Variants in ATP13A3 observed in about 807,000 individuals in gnomAD.
The protein encoded by ATP13A3 is polyamine-transporting ATPase 13A3.
Under a neutral mutation model 158.1 loss-of-function variants are expected in ATP13A3, and 59 were observed. The observed-to-expected ratio is 0.37, with a 90% CI of 0.30 to 0.46. The LOEUF (loss-of-function observed/expected upper bound fraction) is 0.46, where lower values mean the gene tolerates loss of function less well. Among genes scored for constraint, ATP13A3 ranks in the 20% least tolerant of loss-of-function variants. The pLI is 1.00. For synonymous variants in ATP13A3, 491 were observed against 504.3 expected (o/e 0.97, Z 0.35); for missense variants, 1,166 against 1,525.2 (o/e 0.76, Z 3.92).
intron 33 of ATP13A3, among the ~76,000 whole-genome samples, chr3:194,410,937 GGT>G (rs34952393): frequency 0.037 from 4,659 of 126,782 alleles, 137 homozygotes; most frequent in African/African-American, 0.091. Context: ...GGGGTGTTGG[GGT>G]GTGTGTGTGT....
At chr3:194,408,512 G>C (rs1715120422) in intron 33 of ATP13A3, among the ~76,000 whole-genome samples, 1 of 152,286 alleles carries the variant, frequency 6.6e-6, no homozygotes, top group South Asian at 2.1e-4. Flanking sequence ...TCAATTCACT[G>C]TTCCCTACTT....
chr3:194,467,582 TA>T (rs1379302941), intron 2 of ATP13A3, among the ~76,000 whole-genome samples: 1 of 152,184 alleles, frequency 6.6e-6, no homozygotes, highest in Non-Finnish European at 1.5e-5. Context: ...TTGAATATAT[TA>T]TACACCTCAA....
At chr3:194,468,791 A>C (rs1179354003) in intron 2 of ATP13A3, among the ~76,000 whole-genome samples, 1 of 152,248 alleles carries the variant, frequency 6.6e-6, no homozygotes, top group Non-Finnish European at 1.5e-5. Flanking sequence ...AGTTCAGGCA[A>C]AGCAATTTTG....
chr3:194,416,264 T>C lies in ATP13A3; in HGVS notation c.3403-2425A>G, dbSNP rs373090826. Among the ~76,000 whole-genome samples the C allele has an allele frequency of 2.6e-5, 4 of 151,998 alleles. No individual in the cohort carries two copies. In the East Asian group the frequency reaches 5.8e-4, roughly 22 times the overall value. ...CGTGAGGTCAGGAGTTCGATACCAG[T>C]CTGGCCAGATGGTGAAATCCCATCT... On this transcript the variant is annotated intron_variant, in intron 31 of 33. Coordinates refer to ENST00000645319, the MANE Select transcript of ATP13A3 (RefSeq NM_001367549.1).
At chr3:194,440,307 C>A (rs1438114638) in intron 16 of ATP13A3, among the ~76,000 whole-genome samples, 3 of 152,174 alleles carry the variant, frequency 2.0e-5, no homozygotes, top group Non-Finnish European at 4.4e-5. Flanking sequence ...AGGGAGTCCT[C>A]CTCCAGAGAC....
chr3:194,428,374 G>A (rs1716971174), intron 28 of ATP13A3, among the ~76,000 whole-genome samples: 1 of 152,122 alleles, frequency 6.6e-6, no homozygotes, highest in Admixed American at 6.5e-5. Context: ...CTCAACTGGA[G>A]GATTTTGCAC....
chr3:194,426,831 TTTG>T (rs1314920612), intron 29 of ATP13A3, among the ~76,000 whole-genome samples: 1 of 152,012 alleles, frequency 6.6e-6, no homozygotes, highest in Non-Finnish European at 1.5e-5. Flanking sequence ...CCGGCTAATT[TTTG>T]TATTTTTAGT....
intron 31 of ATP13A3, 47 bp from the exon 32 acceptor site, chr3:194,413,886 A>G (rs776151078): frequency 1.1e-5 from 16 of 1,456,064 alleles, no homozygotes; most frequent in Non-Finnish European, 1.5e-5. Flanking sequence ...TATGTAGTCA[A>G]TATTATAGCA....
intron 29 of ATP13A3, among the ~76,000 whole-genome samples, chr3:194,426,701 G>A (rs1303436993): frequency 6.6e-6 from 1 of 152,144 alleles, no homozygotes; most frequent in African/African-American, 2.4e-5. Context: ...CAGCCTGCAT[G>A]CAAACTTTGT....
chr3:194,469,834 C>T (rs1720216482), intron 2 of ATP13A3, among the ~76,000 whole-genome samples: 1 of 152,094 alleles, frequency 6.6e-6, no homozygotes, highest in Non-Finnish European at 1.5e-5. Context: ...AGAAGATAAC[C>T]TTGTCCAGTT....
At chr3:194,468,674 G>A (rs1720144594) in intron 2 of ATP13A3, among the ~76,000 whole-genome samples, 2 of 152,284 alleles carry the variant, frequency 1.3e-5, no homozygotes, top group African/African-American at 2.4e-5. Context: ...ATAATAGTGA[G>A]TGTGGAGAGT....
At chr3:194,429,297 G>C (rs1466803978) in intron 27 of ATP13A3, among the ~76,000 whole-genome samples, 2 of 152,136 alleles carry the variant, frequency 1.3e-5, no homozygotes, top group Admixed American at 1.3e-4. Context: ...ATTCAACGTT[G>C]TAAATTAGTA....
intron 10 of ATP13A3, 152 bp downstream of exon 10, chr3:194,453,554 G>C (rs1718975323): frequency 1.6e-6 from 1 of 613,934 alleles, no homozygotes; most frequent in Admixed American, 3.2e-5. Context: ...AGCTGAGATT[G>C]TGCCTTTGCA....
rs1718565615 is a variant in ATP13A3 at position 194,448,533 on chromosome 3, A to C, written c.1074T>G (p.Thr358=). The C allele has an allele frequency of 1.2e-6, 2 of 1,614,054 alleles. No individual in the cohort carries two copies. Among genetic ancestry groups the C allele is most frequent in the African/African-American group, 2.7e-5 (2 of 74,942 alleles). The change falls in exon 12 of 34, where the codon ACT becomes ACG. Residue 358 remains threonine (T), a synonymous_variant. Coordinates refer to ENST00000645319, the MANE Select transcript of ATP13A3 (RefSeq NM_001367549.1). The surrounding 1 kb of genome is among the most constrained non-coding windows in gnomAD (Gnocchi z 4.0). ...GAATAACAGTTGTCCCACAAAACAA[A>C]GTATGTCGTTTATGTGTTTCTGGAT... ...LYNPETHKRH[T]LFCGTTVIQT... is the part of the protein sequence containing the mutation.
In ATP13A3 at chr3:194,455,885, A is replaced by G. The variant is rs771624904; in HGVS notation, c.630+8T>C. ...GACTGTTAAGTTATATACAATCAATAGTCTTACCTCTTTAATTAGAAGCTT... is the reference window on the plus strand; with the variant it reads ...GACTGTTAAGTTATATACAATCAATGGTCTTACCTCTTTAATTAGAAGCTT... On this transcript the variant is annotated splice_region_variant and intron_variant, in intron 8 of 33. Transcript: ENST00000645319. 45 of 1,468,612 alleles carry G rather than the reference A, an allele frequency of 3.1e-5. No individual in the cohort carries two copies. The highest frequency in any genetic ancestry group is 3.8e-5 in the Non-Finnish European group (41 of 1,069,366). 91.0% of individuals were successfully genotyped at this position (1,468,612 alleles called of 1,614,324 possible). A position where few individuals can be genotyped will look rare whatever the true frequency, so the allele number is the denominator to read the frequency against.
intron 2 of ATP13A3, among the ~76,000 whole-genome samples, chr3:194,493,387 C>T (rs1721167463): frequency 2.0e-5 from 3 of 152,162 alleles, no homozygotes; most frequent in African/African-American, 7.2e-5. Flanking sequence ...CGGCTCACCC[C>T]TGTAATCCCA....
chr3:194,494,232 A>G lies in ATP13A3; in HGVS notation n.564T>C. The G allele has an allele frequency of 2.5e-6, 1 of 398,660 alleles. No individual in the cohort carries two copies. Among genetic ancestry groups the G allele is most frequent in the Non-Finnish European group, 4.4e-6 (1 of 226,104 alleles). 24.7% of individuals were successfully genotyped at this position (398,660 alleles called of 1,614,324 possible). A position where few individuals can be genotyped will look rare whatever the true frequency, so the allele number is the denominator to read the frequency against. ...ATGAGCCAGGACCTTCCTCAGCCAC[A>G]TCTGGATCCTCAGCCCCTCACAGCA... On this transcript the variant is annotated non_coding_transcript_exon_variant, in exon 2 of 33. Transcript: ENST00000687055. This position sits in a 1 kb window ranked among gnomAD's most constrained non-coding sequence, Gnocchi z 4.2.
intron 20 of ATP13A3, 150 bp downstream of exon 20, chr3:194,436,945 G>T: frequency 9.3e-7 from 1 of 1,075,662 alleles, no homozygotes; most frequent in Non-Finnish European, 1.3e-6. Flanking sequence ...TGGGGAAAAT[G>T]TACTTTTACT....
chr3:194,439,019 G>T, intron 16 of ATP13A3, 47 bp from the exon 17 acceptor site: 1 of 1,224,160 alleles, frequency 8.2e-7, no homozygotes. Flanking sequence ...CAACATTCAA[G>T]CACTGCTTCA....
Sources: allele counts gnomAD v4.1 joint callset (sites outside exome capture counted in the v4.1 genomes callset), GRCh38; gene constraint gnomAD v4.1.1; non-coding constraint Gnocchi (gnomAD v3.1); transcripts MANE v1.5; gene names NCBI Gene and HGNC (gene_info 2026-07-23, HGNC 2026-07-21).